MTUS1: variants seen among roughly 807,000 people sequenced by gnomAD.
MTUS1 encodes microtubule-associated tumor suppressor 1.
A neutral mutation model predicts 120.8 loss-of-function variants in MTUS1; 109 were observed. The observed-to-expected ratio is 0.90, with a 90% CI of 0.77 to 1.06. MTUS1 has a LOEUF of 1.06. Among genes scored for constraint, MTUS1 ranks in the 50% least tolerant of loss-of-function variants. The pLI is 0.00. For synonymous variants in MTUS1, 737 were observed against 550.5 expected, an observed-to-expected ratio of 1.34 and a Z score of -4.74; for missense variants, 2,210 against 1,486.3, an observed-to-expected ratio of 1.49 and a Z score of -8.01.
At chr8:17,720,878 G>T (rs1246721294) in intron 4 of MTUS1, among the ~76,000 whole-genome samples, 1 of 152,104 alleles carries the variant, frequency 6.6e-6, no homozygotes, top group East Asian at 1.9e-4. Flanking sequence ...AAAGGATCAA[G>T]ATCGTAACTT....
Position 17,755,043 on chromosome 8 carries a change from A to G in MTUS1, c.765T>C (p.Val255=). The change falls in exon 2 of 15, where the codon GTT becomes GTC. Residue 255 remains valine, a synonymous_variant. Transcript: ENST00000693296. ...AFSDVVMQSE[V]FVSDIGNQCA... ...ACTGATTTCCAATATCTGAAACAAA[A>G]ACCTCACTTTGCATCACCACATCAG... 6.2e-7 allele frequency: 1 copy of G among 1,613,886 alleles called. No individual in the cohort carries two copies. The highest frequency in any genetic ancestry group is 8.5e-7 in the Non-Finnish European group (1 of 1,180,014).
intron 13 of MTUS1, among the ~76,000 whole-genome samples, chr8:17,648,970 C>A (rs1279912403): frequency 1.3e-5 from 2 of 152,250 alleles, no homozygotes; most frequent in Non-Finnish European, 2.9e-5. Context: ...AAGACTGACG[C>A]TGAACACTGA....
intron 6 of MTUS1, among the ~76,000 whole-genome samples, chr8:17,710,884 C>T (rs1484887568): frequency 6.6e-6 from 1 of 152,194 alleles, no homozygotes; most frequent in African/African-American, 2.4e-5. Context: ...GTACTATACT[C>T]TTGTACTATA....
At chr8:17,659,693 T>C (rs745784653) in intron 8 of MTUS1, among the ~76,000 whole-genome samples, 1 of 151,986 alleles carries the variant, frequency 6.6e-6, no homozygotes, top group Non-Finnish European at 1.5e-5. Context: ...AAAGACTTCA[T>C]CTCAAAAACA....
At chr8:17,657,328 G>A (rs907691648) in intron 8 of MTUS1, among the ~76,000 whole-genome samples, 5 of 151,454 alleles carry the variant, frequency 3.3e-5, no homozygotes, top group African/African-American at 1.2e-4. Flanking sequence ...CAGCACTTTG[G>A]GAGGCCGAGG....
At chr8:17,664,956 C>G (rs559810094) in intron 8 of MTUS1, among the ~76,000 whole-genome samples, 1 of 152,274 alleles carries the variant, frequency 6.6e-6, no homozygotes, top group East Asian at 1.9e-4. Flanking sequence ...CACAAATAGG[C>G]ATGTCCAGTT....
rs1805582221 is a variant in MTUS1 at position 17,645,414 on chromosome 8, TTA to T, written c.*510_*511del. On this transcript the variant is annotated 3_prime_UTR_variant, in exon 15 of 15. Transcript: ENST00000693296. ...TGCTGATTGATTGATTATTATTTGA[TTA>T]GTACATATCCAGATATATTCAGATT... is the stretch of plus-strand genomic sequence containing the variant. 6.5e-6 allele frequency: 1 copy of T among 153,452 alleles called. No individual in the cohort carries two copies. Among genetic ancestry groups the T allele is most frequent in the African/African-American group, 2.4e-5 (1 of 41,448 alleles). The allele number at this position is 153,452 out of a possible 1,614,324, so 9.5% of individuals were successfully genotyped here. A position where few individuals can be genotyped will look rare whatever the true frequency, so the allele number is the denominator to read the frequency against.
chr8:17,653,398 G>T, intron 11 of MTUS1, 27 bp downstream of exon 11: 1 of 1,556,464 alleles, frequency 6.4e-7, no homozygotes, highest in Non-Finnish European at 8.8e-7. Context: ...TTTTGTGGGG[G>T]ATACTGGGAT....
intron 8 of MTUS1, among the ~76,000 whole-genome samples, chr8:17,662,504 C>T (rs1421953900): frequency 1.3e-5 from 2 of 151,700 alleles, no homozygotes; most frequent in Admixed American, 1.3e-4. Context: ...TACAGGTGCA[C>T]ACCACCACAC....
chr8:17,737,325 G>A (rs539550419), intron 3 of MTUS1, among the ~76,000 whole-genome samples: 1 of 152,320 alleles, frequency 6.6e-6, no homozygotes, highest in Non-Finnish European at 1.5e-5. Flanking sequence ...ATGAGATTAT[G>A]CATTTAAAAG....
intron 4 of MTUS1, 51 bp from the exon 5 acceptor site, chr8:17,715,952 G>T: frequency 6.5e-7 from 1 of 1,543,408 alleles, no homozygotes; most frequent in South Asian, 1.2e-5. Flanking sequence ...ACACAGTTTC[G>T]ACCTTCCACA....
intron 6 of MTUS1, among the ~76,000 whole-genome samples, chr8:17,690,981 C>T (rs973042531): frequency 8.6e-6 from 1 of 116,848 alleles, no homozygotes. Context: ...GGCTTTAAAG[C>T]TCATAAAAAG....
chr8:17,773,495 A>T (rs535799076), intron 1 of MTUS1, among the ~76,000 whole-genome samples: 1 of 152,326 alleles, frequency 6.6e-6, no homozygotes, highest in East Asian at 1.9e-4. Context: ...TGGGTAACTT[A>T]TAAGCCATCA....
intron 8 of MTUS1, chr8:17,674,591 T>A: frequency 1.0e-6 from 1 of 985,390 alleles, no homozygotes; most frequent in African/African-American, 1.7e-5. Flanking sequence ...ACTGCAGGGC[T>A]GGGTGGTGGG....
At chr8:17,780,109 C>T (rs1406131869) in intron 1 of MTUS1, among the ~76,000 whole-genome samples, 4 of 152,068 alleles carry the variant, frequency 2.6e-5, no homozygotes, top group African/African-American at 9.7e-5. Flanking sequence ...GGAGTCAGTT[C>T]TTGCAACATC....
intron 4 of MTUS1, 73 bp from the exon 5 acceptor site, chr8:17,715,974 G>A (rs924419363): frequency 3.5e-6 from 5 of 1,425,298 alleles, no homozygotes; most frequent in African/African-American, 2.9e-5. Context: ...TTATTCCTTT[G>A]TCCTTGAACC....
intron 2 of MTUS1, among the ~76,000 whole-genome samples, chr8:17,746,043 CT>C (rs1307021894): frequency 2.6e-5 from 4 of 152,216 alleles, no homozygotes; most frequent in South Asian, 4.1e-4. Context: ...TGCAGCCTTG[CT>C]TCCTGTACAG....
chr8:17,771,972 T>C (rs2050057041), intron 1 of MTUS1, among the ~76,000 whole-genome samples: 1 of 152,198 alleles, frequency 6.6e-6, no homozygotes, highest in South Asian at 2.1e-4. Context: ...TCCATTTACA[T>C]TAAAGATGAT....
chr8:17,657,714 C>G lies in MTUS1; in HGVS notation c.2906-1649G>C, dbSNP rs1585451625. Among the ~76,000 whole-genome samples the G allele has an allele frequency of 4.9e-5, 7 of 141,414 alleles. 1 individual carries two copies. The Admixed American group carries it at 5.0e-4, about 10-fold the overall frequency. 92.8% of individuals were successfully genotyped at this position (141,414 alleles called of 152,430 possible). A position where few individuals can be genotyped will look rare whatever the true frequency, so the allele number is the denominator to read the frequency against. On this transcript the variant is annotated intron_variant, in intron 8 of 14. Coordinates refer to ENST00000693296, the MANE Select transcript of MTUS1 (RefSeq NM_001363059.2). ...TGATGGTGTGGGCCTGTAGTCCCTG[C>G]TACTGAGGAGGCTGAGGTGGGAGGA...
Sources: gnomAD v4.1 joint callset for allele counts (sites outside exome capture counted in the v4.1 genomes callset) on GRCh38, gnomAD v4.1.1 for gene constraint, MANE v1.5 for transcripts, NCBI Gene and HGNC (gene_info 2026-07-23, HGNC 2026-07-21) for gene names.